IREB2: variants seen among roughly 807,000 people sequenced by gnomAD.
The protein encoded by IREB2 is iron responsive element binding protein 2.
In IREB2, 39 loss-of-function variants were observed where a neutral mutation model predicts 118.8. The observed-to-expected ratio is 0.33, with a 90% confidence interval of 0.25 to 0.43. IREB2 has a LOEUF of 0.43. Among genes scored for constraint, IREB2 ranks in the 20% least tolerant of loss-of-function variants. The pLI, the probability that IREB2 is intolerant of heterozygous loss-of-function variation, is 1.00. For synonymous variants in IREB2, 372 were observed against 392.2 expected, an observed-to-expected ratio of 0.95 and a Z score of 0.61; for missense variants, 900 against 1,147.3, an observed-to-expected ratio of 0.78 and a Z score of 3.11.
chr15:78,495,294 A>G (rs1313074973), intron 20 of IREB2, among the ~76,000 whole-genome samples: 1 of 152,240 alleles, frequency 6.6e-6, no homozygotes, highest in Non-Finnish European at 1.5e-5. Flanking sequence ...TATTATTATG[A>G]GTATTAATGA....
intron 4 of IREB2, among the ~76,000 whole-genome samples, chr15:78,465,956 T>A (rs189127061): frequency 2.0e-3 from 309 of 152,346 alleles, no homozygotes; most frequent in Middle Eastern, 0.01. Context: ...AGCTCTAAAT[T>A]TCTTTTAAGT....
intron 18 of IREB2, among the ~76,000 whole-genome samples, chr15:78,493,487 TGA>T (rs2051786272): frequency 6.6e-6 from 1 of 152,340 alleles, no homozygotes; most frequent in African/African-American, 2.4e-5. Flanking sequence ...TTAAAACACT[TGA>T]GATCAACTGA....
chr15:78,441,416 A>C (rs112126210), intron 2 of IREB2, among the ~76,000 whole-genome samples: 11 of 152,238 alleles, frequency 7.2e-5, no homozygotes, highest in African/African-American at 2.7e-4. Context: ...AGCTAGATTG[A>C]TCGTTTACAA....
intron 8 of IREB2, chr15:78,473,711 G>C (rs1396969057): frequency 2.5e-5 from 5 of 197,494 alleles, no homozygotes; most frequent in Non-Finnish European, 3.1e-5. Context: ...TCGAAGGCCT[G>C]AGTAGTAAGG....
At position 78,498,748 on chromosome 15, in the gene IREB2, C is replaced by T. The variant is rs1384316577; in HGVS notation, c.*605C>T. 6.6e-6 allele frequency: 1 copy of T among 152,342 alleles called. No individual in the cohort carries two copies. The highest frequency in any genetic ancestry group is 1.5e-5 in the Non-Finnish European group (1 of 68,080). The allele number at this position is 152,342 out of a possible 1,614,324, so 9.4% of individuals were successfully genotyped here. On this transcript the variant is annotated 3_prime_UTR_variant, in exon 22 of 22. Transcript: ENST00000258886. Reference sequence around the variant, plus strand: ...TCACAATCATTCTGTCCAATCCAGCCAAGGTTCCCTCCACATATGAAGATG... The same window carrying T: ...TCACAATCATTCTGTCCAATCCAGCTAAGGTTCCCTCCACATATGAAGATG...
rs1190657451 is a variant in IREB2, at chr15:78,490,758, G to A, written c.2321G>A (p.Arg774Lys). 6.2e-7 allele frequency: 1 copy of A among 1,614,064 alleles called. No individual in the cohort carries two copies. Among genetic ancestry groups the A allele is most frequent in the Admixed American group, 1.7e-5 (1 of 60,014 alleles). ...GCTGCCGCTAAGTATTTGACAAACA[G>A]AGGGTATGTGTACATGGCTTTAGAG... ...NSAAAKYLTN[R>K]GLTPREFNSY... is the part of the protein sequence containing the mutation. The change falls in exon 18 of 22, where the codon AGA becomes AAA. Residue 774 changes from arginine to lysine, a missense_variant. Physicochemically the swap from Arg to Lys is conservative, Grantham distance 26. Transcript: ENST00000258886.
intron 7 of IREB2, 122 bp from the exon 8 acceptor site, chr15:78,473,120 A>T: frequency 1.1e-6 from 1 of 870,128 alleles, no homozygotes; most frequent in South Asian, 1.8e-5. Flanking sequence ...ATTAATAGCA[A>T]TATAGCAACT....
intron 10 of IREB2, among the ~76,000 whole-genome samples, chr15:78,480,456 G>A (rs989203717): frequency 2.0e-5 from 3 of 151,870 alleles, no homozygotes; most frequent in Admixed American, 1.3e-4. Flanking sequence ...GAGGCAGGCA[G>A]ATCACCTCCT....
chr15:78,490,025 C>T (rs2051722887), intron 16 of IREB2, among the ~76,000 whole-genome samples: 1 of 152,104 alleles, frequency 6.6e-6, no homozygotes, highest in Non-Finnish European at 1.5e-5. Context: ...TATATTGAAA[C>T]TTGCCCCTTG....
In IREB2 at chr15:78,499,272, T is replaced by C. The variant is rs958525580; in HGVS notation, c.*1129T>C. The C allele has an allele frequency of 1.3e-5, 2 of 152,246 alleles. No homozygotes were observed. The highest frequency in any genetic ancestry group is 2.9e-5 in the Non-Finnish European group (2 of 68,038). 9.4% of individuals were successfully genotyped at this position (152,246 alleles called of 1,614,324 possible). On this transcript the variant is annotated 3_prime_UTR_variant, in exon 22 of 22. Coordinates refer to ENST00000258886, the MANE Select transcript of IREB2 (RefSeq NM_004136.4). ...TGCTGAGTACTATATATCCTCAATA[T>C]GCATGTCTGCCCATCACATCAAATG...
At chr15:78,486,825 A>G (rs1812525859) in intron 13 of IREB2, among the ~76,000 whole-genome samples, 1 of 152,048 alleles carries the variant, frequency 6.6e-6, no homozygotes, top group African/African-American at 2.4e-5. Context: ...GTGCACCACC[A>G]CACCCAGCTA....
At chr15:78,480,076 CAT>C (rs1416750164) in intron 10 of IREB2, 1 of 152,118 alleles carries the variant, frequency 6.6e-6, no homozygotes, top group Non-Finnish European at 1.5e-5. Context: ...CATTAAACTC[CAT>C]GAGGACAGGA....
At chr15:78,463,326 AG>A (rs1188405757) in intron 3 of IREB2, among the ~76,000 whole-genome samples, 1 of 152,142 alleles carries the variant, frequency 6.6e-6, no homozygotes, top group Non-Finnish European at 1.5e-5. Flanking sequence ...CTGTAGTCCC[AG>A]CTACTCTGGA....
At chr15:78,484,633 C>A in intron 11 of IREB2, 128 bp from the exon 12 acceptor site, 1 of 636,866 alleles carries the variant, frequency 1.6e-6, no homozygotes, top group Non-Finnish European at 2.7e-6. Context: ...GGGCCTTTAG[C>A]ATCACTCACA....
At chr15:78,438,615 C>T (rs1190300798) in intron 1 of IREB2, 18 of 491,582 alleles carry the variant, frequency 3.7e-5, no homozygotes, top group Non-Finnish European at 6.6e-5. Flanking sequence ...GCACCCCTCT[C>T]TCTCCGGTGG....
chr15:78,469,221 A>G (rs890126066), intron 5 of IREB2, among the ~76,000 whole-genome samples: 1 of 152,184 alleles, frequency 6.6e-6, no homozygotes, highest in Non-Finnish European at 1.5e-5. Context: ...TTGGCACTTC[A>G]AATTACCCCC....
chr15:78,453,335 A>G (rs2051054856), intron 2 of IREB2, among the ~76,000 whole-genome samples: 2 of 152,122 alleles, frequency 1.3e-5, no homozygotes, highest in Non-Finnish European at 2.9e-5. Context: ...TTGGGATTCT[A>G]GCTAGACCTG....
intron 9 of IREB2, chr15:78,476,632 C>G (rs976146291): frequency 3.0e-5 from 7 of 234,874 alleles, no homozygotes; most frequent in Middle Eastern, 1.5e-3. Context: ...ACCTCCACCT[C>G]TACTTAGGGG....
intron 2 of IREB2, among the ~76,000 whole-genome samples, chr15:78,443,637 T>C (rs1267562172): frequency 6.6e-6 from 1 of 151,890 alleles, no homozygotes; most frequent in African/African-American, 2.4e-5. Flanking sequence ...TTTTTTTTGT[T>C]TTTTGTTTTA....
Sources: allele counts gnomAD v4.1 joint callset (sites outside exome capture counted in the v4.1 genomes callset), GRCh38; gene constraint gnomAD v4.1.1; transcripts MANE v1.5; gene names NCBI Gene and HGNC (gene_info 2026-07-23, HGNC 2026-07-21).